UNC13C: variants seen among roughly 807,000 people sequenced by gnomAD.
UNC13C encodes protein unc-13 homolog C.
Under a neutral mutation model 245.4 loss-of-function variants are expected in UNC13C, and 174 were observed. The ratio of observed to expected loss-of-function variants is 0.71; its 90% CI spans 0.63 to 0.80. The LOEUF is 0.80. Among genes scored for constraint, UNC13C ranks in the 30% least tolerant of loss-of-function variants. The pLI is 0.00. For missense variants in UNC13C, 2,829 were observed against 2,602.9 expected (o/e 1.09, Z -1.89); for synonymous variants, 992 against 895.1 (o/e 1.11, Z -1.93).
intron 2 of UNC13C, among the ~76,000 whole-genome samples, chr15:54,047,487 C>T (rs900538282): frequency 1.1e-4 from 16 of 152,050 alleles, no homozygotes; most frequent in African/African-American, 3.9e-4. Context: ...GCTAGTACCT[C>T]ATATAAGTGG....
chr15:54,069,061 G>C (rs1175671514), intron 2 of UNC13C, among the ~76,000 whole-genome samples: 2 of 152,286 alleles, frequency 1.3e-5, no homozygotes, highest in East Asian at 3.9e-4. Context: ...TACAAATACA[G>C]ATGCTTACAC....
At chr15:54,408,225 A>G (rs1297553847) in intron 18 of UNC13C, among the ~76,000 whole-genome samples, 1 of 145,576 alleles carries the variant, frequency 6.9e-6, no homozygotes, top group South Asian at 2.1e-4. Context: ...AAAAAAAAAA[A>G]AAAACATGGG....
intron 28 of UNC13C, among the ~76,000 whole-genome samples, chr15:54,555,205 A>G (rs1897038541): frequency 6.6e-6 from 1 of 151,952 alleles, no homozygotes; most frequent in Non-Finnish European, 1.5e-5. Context: ...ATAAAGCCAC[A>G]CCTCTATCAA....
intron 2 of UNC13C, among the ~76,000 whole-genome samples, chr15:54,035,831 A>G (rs1479380224): frequency 6.6e-6 from 1 of 152,166 alleles, no homozygotes; most frequent in African/African-American, 2.4e-5. Flanking sequence ...GAAAAGTTTC[A>G]CAAGGTGGGG....
chr15:54,242,469 G>T (rs971834006), intron 7 of UNC13C, among the ~76,000 whole-genome samples: 1 of 151,950 alleles, frequency 6.6e-6, no homozygotes, highest in African/African-American at 2.4e-5. Context: ...ATACAAAAAT[G>T]TGTGCCATTT....
chr15:54,572,674 C>T (rs898627021), intron 30 of UNC13C, among the ~76,000 whole-genome samples: 5 of 152,024 alleles, frequency 3.3e-5, no homozygotes, highest in Admixed American at 2.0e-4. Flanking sequence ...GATCTGCCCA[C>T]GTCAGCCTCC....
intron 18 of UNC13C, among the ~76,000 whole-genome samples, chr15:54,406,776 T>C (rs1379059633): frequency 1.3e-5 from 2 of 152,160 alleles, no homozygotes; most frequent in Non-Finnish European, 2.9e-5. Flanking sequence ...TCTTTGCCCT[T>C]ATCATTCACA....
chr15:54,444,723 T>C (rs1389889426), intron 19 of UNC13C, among the ~76,000 whole-genome samples: 1 of 151,978 alleles, frequency 6.6e-6, no homozygotes, highest in Non-Finnish European at 1.5e-5. Flanking sequence ...TTTATCCTTT[T>C]GTGCATTTTT....
chr15:54,107,099 A>G (rs2141167094), intron 2 of UNC13C, among the ~76,000 whole-genome samples: 1 of 152,344 alleles, frequency 6.6e-6, no homozygotes, highest in Non-Finnish European at 1.5e-5. Flanking sequence ...CATATCAGAA[A>G]GTTAGAAAAT....
intron 13 of UNC13C, among the ~76,000 whole-genome samples, chr15:54,305,414 G>A (rs894410815): frequency 6.6e-6 from 1 of 152,000 alleles, no homozygotes; most frequent in African/African-American, 2.4e-5. Flanking sequence ...ACAGCTTTCA[G>A]AGATAGTTTC....
the UNC13C span, among the ~76,000 whole-genome samples, chr15:53,841,588 T>A: frequency 6.6e-6 from 1 of 152,184 alleles, no homozygotes; most frequent in Non-Finnish European, 1.5e-5. Context: ...ACCTACTGCA[T>A]GAAATTTTGA....
chr15:54,185,504 C>T (rs1033753642), intron 4 of UNC13C, among the ~76,000 whole-genome samples: 5 of 150,918 alleles, frequency 3.3e-5, no homozygotes, highest in African/African-American at 1.2e-4. Flanking sequence ...GCCAGTTTTC[C>T]CAGCACCATT....
At chr15:54,317,898 T>G (rs1411384674) in intron 13 of UNC13C, among the ~76,000 whole-genome samples, 2 of 151,920 alleles carry the variant, frequency 1.3e-5, no homozygotes, top group Admixed American at 1.3e-4. Flanking sequence ...CTGCACCCCC[T>G]AACTGCTCCA....
At chr15:53,973,900 T>C (rs1893617419), upstream of UNC13C, among the ~76,000 whole-genome samples, 1 of 152,178 alleles carries the variant, frequency 6.6e-6, no homozygotes, top group Admixed American at 6.5e-5. Flanking sequence ...TTAATTTTTT[T>C]CAAAAAATTA....
chr15:54,220,923 G>A (rs572188304), intron 4 of UNC13C, among the ~76,000 whole-genome samples: 37 of 152,056 alleles, frequency 2.4e-4, no homozygotes, highest in African/African-American at 8.7e-4. Flanking sequence ...GGATGAAAAA[G>A]ACAATAATGG....
intron 30 of UNC13C, among the ~76,000 whole-genome samples, chr15:54,581,779 G>C (rs1230274250): frequency 1.3e-5 from 2 of 152,176 alleles, no homozygotes; most frequent in South Asian, 4.1e-4. Flanking sequence ...AGAAACTCTA[G>C]GAGTCGGGCT....
At chr15:54,007,700 A>C (rs1895202946) in intron 1 of UNC13C, among the ~76,000 whole-genome samples, 1 of 152,222 alleles carries the variant, frequency 6.6e-6, no homozygotes, top group Admixed American at 6.5e-5. Context: ...CAGGTGTAGC[A>C]AACCAGCATG....
intron 2 of UNC13C, among the ~76,000 whole-genome samples, chr15:54,055,158 T>G (rs1897453785): frequency 6.6e-6 from 1 of 152,210 alleles, no homozygotes; most frequent in Non-Finnish European, 1.5e-5. Context: ...CAATGCCAAA[T>G]AATTGATTTA....
chr15:53,944,810 G>A, the UNC13C span, among the ~76,000 whole-genome samples: 1 of 152,130 alleles, frequency 6.6e-6, no homozygotes, highest in Non-Finnish European at 1.5e-5. Context: ...GGTCAAATGA[G>A]AGTTCTGTTT....
Sources: allele counts gnomAD v4.1 joint callset (sites outside exome capture counted in the v4.1 genomes callset), GRCh38; gene constraint gnomAD v4.1.1; transcripts MANE v1.5; gene names NCBI Gene and HGNC (gene_info 2026-07-23, HGNC 2026-07-21).